SLIT1: variants seen among roughly 807,000 people sequenced by gnomAD.
The protein encoded by SLIT1 is slit homolog 1 protein.
Under a neutral mutation model 186.1 loss-of-function variants are expected in SLIT1, and 66 were observed. The observed-to-expected ratio is 0.35, with a 90% CI of 0.29 to 0.44. The LOEUF (loss-of-function observed/expected upper bound fraction) is 0.44. SLIT1 is among the 20% of genes least tolerant of loss of function. SLIT1 has a pLI of 1.00. For missense variants in SLIT1, 1,638 were observed against 2,037.4 expected (o/e 0.80, Z 3.77); for synonymous variants, 761 against 833.8 (o/e 0.91, Z 1.50).
intron 8 of SLIT1, 36 bp downstream of exon 8, chr10:97,063,419 C>T (rs761748416): frequency 1.3e-5 from 21 of 1,609,948 alleles, no homozygotes; most frequent in Middle Eastern, 2.2e-4. Context: ...CAGGAGGCGC[C>T]GGACAGTTGA....
intron 4 of SLIT1, among the ~76,000 whole-genome samples, chr10:97,087,493 G>A (rs907928074): frequency 2.6e-5 from 4 of 152,236 alleles, no homozygotes; most frequent in Admixed American, 2.0e-4. Context: ...CACAGCTGTG[G>A]AGAAGGATGC....
At chr10:97,120,667 C>T (rs2134687192) in intron 4 of SLIT1, among the ~76,000 whole-genome samples, 1 of 152,322 alleles carries the variant, frequency 6.6e-6, no homozygotes, top group Non-Finnish European at 1.5e-5. Context: ...TCTGTGCCTC[C>T]TCCTAGGATG....
At chr10:97,149,532 G>T (rs1476518592) in intron 4 of SLIT1, among the ~76,000 whole-genome samples, 1 of 152,176 alleles carries the variant, frequency 6.6e-6, no homozygotes, top group African/African-American at 2.4e-5. Flanking sequence ...CATGCCTGAC[G>T]GGGAGCAAGG....
rs199870948 is a variant in SLIT1, at chr10:97,002,342, G to A, written c.4182C>T (p.Leu1394=). ...HKCVHGQCVP[L]DALSYSCQCQ... is the part of the protein sequence containing the mutation. ...ACTGGCAGCTGTAGGAAAGAGCGTC[G>A]AGGGGCACGCATTGCCCATGGACAC... The change falls in exon 36 of 37, where the codon CTC becomes CTT. Residue 1394 remains leucine, a synonymous_variant. Coordinates refer to ENST00000266058, the MANE Select transcript of SLIT1 (RefSeq NM_003061.3). The A allele has an allele frequency of 1.1e-4, 176 of 1,609,596 alleles. No individual in the cohort carries two copies. The highest frequency in any genetic ancestry group is 2.0e-4 in the Admixed American group (12 of 59,908).
chr10:97,111,095 C>G (rs1849459983), intron 4 of SLIT1, among the ~76,000 whole-genome samples: 1 of 151,848 alleles, frequency 6.6e-6, no homozygotes, highest in Admixed American at 6.6e-5. Context: ...GAGGCTGAGG[C>G]AGGAGAATTG....
At chr10:97,136,860 G>A (rs1004504873) in intron 4 of SLIT1, among the ~76,000 whole-genome samples, 7 of 152,344 alleles carry the variant, frequency 4.6e-5, no homozygotes, top group Admixed American at 2.0e-4. Context: ...TTCTGGATGT[G>A]AGCTGATATT....
At position 97,010,507 on chromosome 10, in the gene SLIT1, A is replaced by G. The variant is rs1848401262; in HGVS notation, c.3341+486T>C. ...GTGGTGATGGATACACAACTCTGGG[A>G]ATAAACTAAAAGTCATGGAATTTTA... On this transcript the variant is annotated intron_variant, in intron 31 of 36. Transcript: ENST00000266058. The surrounding 1 kb of genome is among the most constrained non-coding windows in gnomAD (Gnocchi z 4.8). Among the ~76,000 whole-genome samples the G allele has an allele frequency of 6.6e-6, 1 of 152,270 alleles. No homozygotes were observed. The highest frequency in any genetic ancestry group is 2.4e-5 in the African/African-American group (1 of 41,476).
chr10:97,057,565 C>G (rs1313008454), intron 11 of SLIT1, among the ~76,000 whole-genome samples: 1 of 152,254 alleles, frequency 6.6e-6, no homozygotes, highest in Non-Finnish European at 1.5e-5. Flanking sequence ...ACGTGGACCC[C>G]ACAGAAGGCT....
At chr10:97,134,054 G>A (rs946579498) in intron 4 of SLIT1, among the ~76,000 whole-genome samples, 2 of 152,174 alleles carry the variant, frequency 1.3e-5, no homozygotes, top group African/African-American at 4.8e-5. Flanking sequence ...CCTGAGGGCT[G>A]GTGAGCCCCC....
chr10:97,072,036 T>C (rs1849005463), intron 4 of SLIT1, among the ~76,000 whole-genome samples: 1 of 152,172 alleles, frequency 6.6e-6, no homozygotes, highest in Non-Finnish European at 1.5e-5. Flanking sequence ...TGAGAGAGCC[T>C]GGTATGACTG....
chr10:97,124,213 G>A (rs1472242762), intron 4 of SLIT1, among the ~76,000 whole-genome samples: 2 of 152,166 alleles, frequency 1.3e-5, no homozygotes, highest in African/African-American at 4.8e-5. Flanking sequence ...GGAAATTCAA[G>A]GTAGCTCTTG....
At chr10:97,180,243 A>C (rs2134747334) in intron 1 of SLIT1, among the ~76,000 whole-genome samples, 1 of 152,314 alleles carries the variant, frequency 6.6e-6, no homozygotes, top group African/African-American at 2.4e-5. Flanking sequence ...AACAATAATA[A>C]TACTACCATT....
intron 9 of SLIT1, 129 bp from the exon 10 acceptor site, chr10:97,060,287 A>G (rs927410814): frequency 6.1e-5 from 48 of 780,572 alleles, no homozygotes; most frequent in Non-Finnish European, 9.9e-5. Context: ...CCACTTCCAG[A>G]AGTTGAAGTC....
At chr10:97,155,210 C>A (rs1343406432) in intron 4 of SLIT1, 2 of 152,308 alleles carry the variant, frequency 1.3e-5, no homozygotes, top group African/African-American at 4.8e-5. Flanking sequence ...GAAATGGGCT[C>A]TGAACAATTA....
chr10:97,151,958 C>A (rs933860968), intron 4 of SLIT1, among the ~76,000 whole-genome samples: 3 of 152,138 alleles, frequency 2.0e-5, no homozygotes, highest in African/African-American at 7.2e-5. Context: ...GTGCTCTCTT[C>A]TGAAGAGGTG....
rs192327643 is a variant in SLIT1, at chr10:97,062,597, C to T, written c.793+858G>A. Among the ~76,000 whole-genome samples, 20 of 152,328 alleles carry T rather than the reference C, an allele frequency of 1.3e-4. No individual in the cohort carries two copies. In the East Asian group the frequency reaches 3.7e-3, roughly 28 times the overall value. On this transcript the variant is annotated intron_variant, in intron 8 of 36. Transcript: ENST00000266058. ...CCTGCCCTGCAGGGTGAGGAGGAGTCGGCAGGCAACAAAGAGGGAAGGGTG... is the reference window on the plus strand; with the variant it reads ...CCTGCCCTGCAGGGTGAGGAGGAGTTGGCAGGCAACAAAGAGGGAAGGGTG...
intron 28 of SLIT1, among the ~76,000 whole-genome samples, chr10:97,015,011 G>A (rs1186552032): frequency 6.6e-6 from 1 of 152,178 alleles, no homozygotes; most frequent in Non-Finnish European, 1.5e-5. Context: ...GGGGCCCTGG[G>A]GATCAGTGAC....
In SLIT1 at chr10:96,998,588, G is replaced by A. The variant is rs1210942360; in HGVS notation, c.*2524C>T. ...TAGCCACCTTCCGGACTTTCAAGCG[G>A]AGTGTGAATAGGCAACGTGAGTGCT... On this transcript the variant is annotated 3_prime_UTR_variant, in exon 37 of 37. Coordinates refer to ENST00000266058, the MANE Select transcript of SLIT1 (RefSeq NM_003061.3). 1.3e-5 allele frequency: 2 copies of A among 152,316 alleles called. No individual in the cohort carries two copies. Among genetic ancestry groups the A allele is most frequent in the African/African-American group, 4.8e-5 (2 of 41,476 alleles). The allele number at this position is 152,316 out of a possible 1,614,324, so 9.4% of individuals were successfully genotyped here.
At chr10:97,091,603 A>G (rs1017005735) in intron 4 of SLIT1, among the ~76,000 whole-genome samples, 9 of 152,266 alleles carry the variant, frequency 5.9e-5, no homozygotes, top group African/African-American at 2.2e-4. Flanking sequence ...CCCTTCATTC[A>G]TGAATTAAAT....
Sources: allele counts gnomAD v4.1 joint callset (sites outside exome capture counted in the v4.1 genomes callset), GRCh38; gene constraint gnomAD v4.1.1; non-coding constraint Gnocchi (gnomAD v3.1); transcripts MANE v1.5; gene names NCBI Gene and HGNC (gene_info 2026-07-23, HGNC 2026-07-21).